Variants in C1GALT1 observed in about 807,000 individuals in gnomAD.
C1GALT1 encodes the protein core 1 synthase, glycoprotein-N-acetylgalactosamine 3-beta-galactosyltransferase 1.
Under a neutral mutation model 31.0 loss-of-function variants are expected in C1GALT1, and 11 were observed. That is an observed-to-expected ratio of 0.36 (90% CI 0.22 to 0.59). The LOEUF (loss-of-function observed/expected upper bound fraction) is 0.59, where lower values mean the gene tolerates loss of function less well. Among genes scored for constraint, C1GALT1 ranks in the 20% least tolerant of loss-of-function variants. The pLI is 0.79. For synonymous variants in C1GALT1, 175 were observed against 143.6 expected (o/e 1.22, Z -1.56); for missense variants, 424 against 425.2 (o/e 1.00, Z 0.03).
intron 1 of C1GALT1, among the ~76,000 whole-genome samples, chr7:7,183,320 C>T (rs561841691): frequency 6.6e-6 from 1 of 152,256 alleles, no homozygotes; most frequent in Non-Finnish European, 1.5e-5. Context: ...TCGGCTGCCG[C>T]GCCGCCTGAG....
At chr7:7,236,615 G>A (rs1235952996) in intron 2 of C1GALT1, among the ~76,000 whole-genome samples, 5 of 151,734 alleles carry the variant, frequency 3.3e-5, no homozygotes, top group African/African-American at 7.3e-5. Context: ...TCCGCCTCCC[G>A]GGTTCAAGCA....
Position 7,248,510 on chromosome 7 carries a change from C to T in C1GALT1, c.*4783C>T, listed in dbSNP as rs1380674081. The stretch of plus-strand genomic sequence containing the variant: ...GGTGACTTGCTTATTTTTAAGTGAT[C>T]ACCATTAAGTCAGAAAAATGTATTT... On this transcript the variant is annotated 3_prime_UTR_variant, in exon 4 of 4. Coordinates refer to ENST00000436587, the MANE Select transcript of C1GALT1 (RefSeq NM_020156.5). 1 of 151,902 alleles carries T rather than the reference C, an allele frequency of 6.6e-6. No individual in the cohort carries two copies. The highest frequency in any genetic ancestry group is 1.5e-5 in the Non-Finnish European group (1 of 67,852). The allele number at this position is 151,902 out of a possible 1,614,324, so 9.4% of individuals were successfully genotyped here.
At chr7:7,227,645 G>A (rs998818494) in intron 1 of C1GALT1, among the ~76,000 whole-genome samples, 5 of 151,094 alleles carry the variant, frequency 3.3e-5, no homozygotes, top group Non-Finnish European at 7.4e-5. Context: ...GCGTGAACCC[G>A]GGAGGCGGAG....
At chr7:7,220,761 C>A (rs1418684891) in intron 1 of C1GALT1, among the ~76,000 whole-genome samples, 1 of 152,302 alleles carries the variant, frequency 6.6e-6, no homozygotes, top group East Asian at 1.9e-4. Flanking sequence ...ACCTTGTGAT[C>A]TGCTGGCCTC....
intron 1 of C1GALT1, among the ~76,000 whole-genome samples, chr7:7,203,111 A>C (rs922388678): frequency 2.5e-5 from 3 of 119,330 alleles, no homozygotes; most frequent in Non-Finnish European, 3.5e-5. Flanking sequence ...TTTTTTTGGA[A>C]TCTTTAGGGT....
intron 1 of C1GALT1, among the ~76,000 whole-genome samples, chr7:7,187,015 C>T (rs938893350): frequency 2.6e-5 from 4 of 151,962 alleles, no homozygotes; most frequent in Non-Finnish European, 4.4e-5. Flanking sequence ...AAAAATGGGC[C>T]AAAGAAGCAA....
At chr7:7,224,160 G>T (rs1782642341) in intron 1 of C1GALT1, among the ~76,000 whole-genome samples, 1 of 151,854 alleles carries the variant, frequency 6.6e-6, no homozygotes, top group South Asian at 2.1e-4. Flanking sequence ...AATACTTTGT[G>T]AAATACTAAT....
At chr7:7,215,475 C>T (rs1782195347) in intron 1 of C1GALT1, among the ~76,000 whole-genome samples, 1 of 77,494 alleles carries the variant, frequency 1.3e-5, no homozygotes, top group Admixed American at 1.1e-4. Context: ...GTTCCCTTTC[C>T]CCCTAGCTTA....
At chr7:7,173,884 G>A (rs994773677) in intron 2 of C1GALT1, among the ~76,000 whole-genome samples, 11 of 152,238 alleles carry the variant, frequency 7.2e-5, no homozygotes, top group African/African-American at 2.6e-4. Flanking sequence ...TCCAACCTGG[G>A]TTCCAGAGCA....
intron 1 of C1GALT1, among the ~76,000 whole-genome samples, chr7:7,201,861 C>T (rs1434400814): frequency 2.0e-5 from 3 of 152,208 alleles, no homozygotes; most frequent in Non-Finnish European, 4.4e-5. Flanking sequence ...CCGATTCTGT[C>T]CAGGAAACTT....
chr7:7,237,228 G>A (rs1783402843), intron 2 of C1GALT1, among the ~76,000 whole-genome samples: 1 of 152,174 alleles, frequency 6.6e-6, no homozygotes, highest in African/African-American at 2.4e-5. Flanking sequence ...TTTCACCACA[G>A]ATAGCTTGGG....
rs141313178 is a variant in C1GALT1 at position 7,225,508 on chromosome 7, AGAAG to A, written c.-17-8794_-17-8791del. ...CACAATACAAATATTCCCTAAAATT[AGAAG>A]AAAACTATAGAGGGTTTATTGCAAG... On this transcript the variant is annotated intron_variant, in intron 1 of 3. Transcript: ENST00000436587. Among the ~76,000 whole-genome samples the A allele has an allele frequency of 2.1e-3, 318 of 152,388 alleles. 2 individuals are homozygous for A. Among genetic ancestry groups the A allele is most frequent in the South Asian group, 4.3e-3 (21 of 4,834 alleles).
Position 7,234,310 on chromosome 7 carries a change from CT to C in C1GALT1, c.-7del, listed in dbSNP as rs1401774738. 1.9e-6 allele frequency: 3 copies of C among 1,611,372 alleles called. No homozygotes were observed. Among genetic ancestry groups the C allele is most frequent in the Non-Finnish European group, 2.5e-6 (3 of 1,178,224 alleles). On this transcript the variant is annotated 5_prime_UTR_variant, in exon 2 of 4. Transcript: ENST00000436587. ...TAATTTTTGTTCTTACAGAAATACA[CT>C]TTCGGGAAATGGCCTCTAAATCCTG...
chr7:7,230,378 TTTAA>T (rs1783012203), intron 1 of C1GALT1, among the ~76,000 whole-genome samples: 1 of 152,152 alleles, frequency 6.6e-6, no homozygotes, highest in Admixed American at 6.5e-5. Context: ...TAAGCTTTCC[TTTAA>T]TTACTGTTTG....
At chr7:7,182,107 C>A (rs550847621), upstream of C1GALT1, among the ~76,000 whole-genome samples, 3 of 152,206 alleles carry the variant, frequency 2.0e-5, no homozygotes, top group Admixed American at 6.5e-5. Context: ...TTATTACTTC[C>A]TTTTATTAAG....
In C1GALT1 at chr7:7,238,598, T is replaced by G. The variant is rs1357168151; in HGVS notation, c.564T>G (p.Pro188=). ...GGTGGCTTCTTTCAAAATACGACCC[T>G]GAAGAACCCATTTACTTTGGGAGAA... ...NLRWLLSKYD[P]EEPIYFGRRF... The change falls in exon 3 of 4, where the codon CCT becomes CCG. Residue 188 remains proline, a synonymous_variant. Coordinates refer to ENST00000436587, the MANE Select transcript of C1GALT1 (RefSeq NM_020156.5). This position sits in a 1 kb window ranked among gnomAD's most constrained non-coding sequence, Gnocchi z 5.2. The G allele has an allele frequency of 1.4e-5, 22 of 1,614,106 alleles. No homozygotes were observed. Among genetic ancestry groups the G allele is most frequent in the Non-Finnish European group, 1.8e-5 (21 of 1,179,990 alleles).
At chr7:7,200,373 C>T (rs903024933) in intron 1 of C1GALT1, among the ~76,000 whole-genome samples, 1 of 152,230 alleles carries the variant, frequency 6.6e-6, no homozygotes, top group Admixed American at 6.5e-5. Context: ...TTGGCTTTCA[C>T]TCTCTTCTGG....
intron 1 of C1GALT1, among the ~76,000 whole-genome samples, chr7:7,222,336 T>C (rs868748203): frequency 6.6e-6 from 1 of 152,224 alleles, no homozygotes; most frequent in Non-Finnish European, 1.5e-5. Context: ...AGTCCAAAAA[T>C]TATTTTTTTA....
intron 1 of C1GALT1, among the ~76,000 whole-genome samples, chr7:7,216,244 T>C (rs896523454): frequency 3.3e-5 from 5 of 152,210 alleles, no homozygotes; most frequent in African/African-American, 9.7e-5. Flanking sequence ...CTTAGTCTCC[T>C]TCCTTTCTGT....
Sources: allele counts gnomAD v4.1 joint callset (sites outside exome capture counted in the v4.1 genomes callset), GRCh38; gene constraint gnomAD v4.1.1; non-coding constraint Gnocchi (gnomAD v3.1); transcripts MANE v1.5; gene names NCBI Gene and HGNC (gene_info 2026-07-23, HGNC 2026-07-21).